OXCT1: variants seen among roughly 807,000 people sequenced by gnomAD.
The protein encoded by OXCT1 is succinyl-CoA:3-ketoacid coenzyme A transferase 1, mitochondrial.
OXCT1 carries 27 observed loss-of-function variants against 69.6 expected under a neutral mutation model. That is an observed-to-expected ratio of 0.39 (90% CI 0.29 to 0.54). OXCT1 has a LOEUF of 0.54. OXCT1 is among the 20% of genes least tolerant of loss of function. OXCT1 has a pLI of 0.72. For missense variants in OXCT1, 437 were observed against 650.2 expected, an observed-to-expected ratio of 0.67 and a Z score of 3.57; for synonymous variants, 202 against 217.8, an observed-to-expected ratio of 0.93 and a Z score of 0.64.
chr5:41,742,680 T>A, intron 15 of OXCT1, among the ~76,000 whole-genome samples: 1 of 151,212 alleles, frequency 6.6e-6, no homozygotes, highest in East Asian at 2.0e-4. Context: ...CCCCACCCTG[T>A]GTCCAAGTGT....
intron 16 of OXCT1, among the ~76,000 whole-genome samples, chr5:41,735,440 T>C (rs1444844452): frequency 6.6e-6 from 1 of 152,208 alleles, no homozygotes; most frequent in Non-Finnish European, 1.5e-5. Context: ...TGCCAAAGGC[T>C]GTGGAATTAG....
At position 41,739,496 on chromosome 5, in the gene OXCT1, C is replaced by CA; in HGVS notation, c.1420-6dup. ...CTTGTCCACATCAAACACAGCCTGT[C>CA]AGAGTGGGAAGAAAAAGGACAATGA... On this transcript the variant is annotated splice_region_variant and splice_polypyrimidine_tract_variant and intron_variant, in intron 15 of 16. Transcript: ENST00000196371. 6.3e-7 allele frequency: 1 copy of CA among 1,592,446 alleles called. No homozygotes were observed. The highest frequency in any genetic ancestry group is 8.6e-7 in the Non-Finnish European group (1 of 1,160,450).
chr5:41,767,737 T>C (rs1376349785), intron 13 of OXCT1, among the ~76,000 whole-genome samples: 1 of 141,872 alleles, frequency 7.0e-6, no homozygotes, highest in East Asian at 2.0e-4. Context: ...TATATATATA[T>C]ATATATATAT....
At chr5:41,763,255 AC>A (rs557413736) in intron 13 of OXCT1, among the ~76,000 whole-genome samples, 9 of 152,108 alleles carry the variant, frequency 5.9e-5, no homozygotes, top group Non-Finnish European at 1.2e-4. Flanking sequence ...AGAAGTAGTC[AC>A]CACATTTTTG....
At chr5:41,827,411 A>G (rs1747859470) in intron 7 of OXCT1, among the ~76,000 whole-genome samples, 2 of 152,160 alleles carry the variant, frequency 1.3e-5, no homozygotes, top group Admixed American at 1.3e-4. Context: ...CTCATTTACA[A>G]TATTGTAATA....
chr5:41,852,162 T>G (rs995121845), intron 4 of OXCT1, among the ~76,000 whole-genome samples: 2 of 152,216 alleles, frequency 1.3e-5, no homozygotes, highest in African/African-American at 4.8e-5. Context: ...CTGTGATATT[T>G]TGTTATAGCA....
chr5:41,803,167 GA>G lies in OXCT1; in HGVS notation c.956-5del, dbSNP rs752619742. The G allele has an allele frequency of 2.1e-5, 34 of 1,586,616 alleles. No individual in the cohort carries two copies. The highest frequency in any genetic ancestry group is 6.7e-5 in the East Asian group (3 of 44,610). ...GGGATTCCTATGCCCAAATTAGCTG[GA>G]AAAAAAAGATGTTAAGGTCCAGCAT... On this transcript the variant is annotated splice_polypyrimidine_tract_variant and splice_region_variant and intron_variant, in intron 9 of 16. Coordinates refer to ENST00000196371, the MANE Select transcript of OXCT1 (RefSeq NM_000436.4).
chr5:41,830,947 A>G (rs1748068400), intron 7 of OXCT1, among the ~76,000 whole-genome samples: 1 of 152,218 alleles, frequency 6.6e-6, no homozygotes, highest in African/African-American at 2.4e-5. Context: ...ATGAAAATTA[A>G]ATGTTCATAG....
intron 13 of OXCT1, among the ~76,000 whole-genome samples, chr5:41,766,047 T>C (rs992720362): frequency 1.3e-5 from 2 of 152,174 alleles, no homozygotes; most frequent in African/African-American, 4.8e-5. Context: ...ATTGAAGCAT[T>C]GGGCCAGCAT....
intron 3 of OXCT1, among the ~76,000 whole-genome samples, chr5:41,856,709 A>G (rs1219813285): frequency 6.6e-6 from 1 of 152,196 alleles, no homozygotes. Flanking sequence ...ATGGGTAGAA[A>G]AGAAATAGCT....
chr5:41,869,830 G>T (rs1750197177), intron 1 of OXCT1, among the ~76,000 whole-genome samples: 1 of 152,144 alleles, frequency 6.6e-6, no homozygotes. Context: ...GCCTCTAGAG[G>T]TTCCTCTGCC....
intron 7 of OXCT1, among the ~76,000 whole-genome samples, chr5:41,838,988 T>C (rs1177099162): frequency 6.6e-6 from 1 of 152,190 alleles, no homozygotes; most frequent in Non-Finnish European, 1.5e-5. Flanking sequence ...CGCACATTAC[T>C]GTATTGAAAG....
intron 5 of OXCT1, among the ~76,000 whole-genome samples, chr5:41,844,942 C>CAAA (rs552992378): frequency 3.8e-5 from 3 of 78,268 alleles, no homozygotes; most frequent in Admixed American, 1.4e-4. Flanking sequence ...GGCTTCCTAG[C>CAAA]AAAAAAAAAA....
At chr5:41,763,260 A>T in intron 13 of OXCT1, among the ~76,000 whole-genome samples, 1 of 152,070 alleles carries the variant, frequency 6.6e-6, no homozygotes, top group East Asian at 1.9e-4. Flanking sequence ...TAGTCACCAC[A>T]TTTTTGTGGT....
intron 7 of OXCT1, among the ~76,000 whole-genome samples, chr5:41,819,984 A>G (rs1247531619): frequency 1.3e-5 from 2 of 152,194 alleles, no homozygotes; most frequent in East Asian, 3.9e-4. Context: ...ATTCTCCAGG[A>G]AGCTGGGTTC....
intron 7 of OXCT1, among the ~76,000 whole-genome samples, chr5:41,838,953 G>A (rs576398807): frequency 3.9e-5 from 6 of 152,298 alleles, no homozygotes; most frequent in African/African-American, 1.4e-4. Context: ...CCATACTGGA[G>A]AGTGTAGTGA....
intron 1 of OXCT1, among the ~76,000 whole-genome samples, chr5:41,869,625 GGC>G (rs1262551722): frequency 6.6e-6 from 1 of 152,210 alleles, no homozygotes; most frequent in African/African-American, 2.4e-5. Flanking sequence ...CTGCAGCCCA[GGC>G]GCGGGCCAGG....
intron 5 of OXCT1, among the ~76,000 whole-genome samples, chr5:41,848,995 G>A (rs1376787282): frequency 3.3e-5 from 5 of 152,162 alleles, no homozygotes; most frequent in Admixed American, 2.6e-4. Flanking sequence ...GAGTGAACAG[G>A]CAACCTACAA....
At position 41,749,589 on chromosome 5, in the gene OXCT1, T is replaced by A. The variant is rs775810546; in HGVS notation, c.1357A>T (p.Met453Leu). 1.2e-6 allele frequency: 2 copies of A among 1,605,912 alleles called. No individual in the cohort carries two copies. The highest frequency in any genetic ancestry group is 1.1e-5 in the South Asian group (1 of 90,716). Residue 453 changes from methionine (M) to leucine (L), a missense_variant, in exon 15 of 17, where the codon ATG becomes TTG. Physicochemically the swap from Met to Leu is conservative, Grantham distance 15. Coordinates refer to ENST00000196371, the MANE Select transcript of OXCT1 (RefSeq NM_000436.4). ...HSAKGNAHKIMEKCTLPLTGK... is the reference protein window; with the variant it reads ...HSAKGNAHKILEKCTLPLTGK... ...GTCAATGGTAATGTACATTTCTCCA[T>A]GATTTTATGTGCATTTCCCTGTTTT...
Sources: allele counts gnomAD v4.1 joint callset (sites outside exome capture counted in the v4.1 genomes callset), GRCh38; gene constraint gnomAD v4.1.1; transcripts MANE v1.5; gene names NCBI Gene and HGNC (gene_info 2026-07-23, HGNC 2026-07-21).